The following ROBO1 variants were observed in gnomAD, a reference collection of about 807,000 sequenced individuals.
ROBO1 encodes the protein roundabout guidance receptor 1, also known as roundabout homolog 1.
ROBO1 carries 149 observed loss-of-function variants against 195.9 expected under a neutral mutation model. That is an observed-to-expected ratio of 0.76 (90% CI 0.67 to 0.87). The LOEUF is 0.87. ROBO1 is among the 40% of genes least tolerant of loss of function. The pLI is 0.00. For missense variants in ROBO1, 1,933 were observed against 2,068.3 expected (o/e 0.93, Z 1.27); for synonymous variants, 816 against 733.2 (o/e 1.11, Z -1.82).
At chr3:79,575,151 T>A (rs35985435) in intron 2 of ROBO1, among the ~76,000 whole-genome samples, 39 of 45,776 alleles carry the variant, frequency 8.5e-4, no homozygotes, top group East Asian at 9.4e-4. Flanking sequence ...AATATATAAA[T>A]ATATATATAA....
chr3:78,767,802 G>T (rs1247417896), intron 4 of ROBO1, among the ~76,000 whole-genome samples: 8 of 151,888 alleles, frequency 5.3e-5, no homozygotes, highest in African/African-American at 1.5e-4. Context: ...GAGGTTATTT[G>T]GATTTTCTTT....
chr3:78,706,281 A>G (rs1200981340), intron 8 of ROBO1, among the ~76,000 whole-genome samples: 2 of 152,060 alleles, frequency 1.3e-5, no homozygotes, highest in Non-Finnish European at 2.9e-5. Flanking sequence ...CCAACATAAC[A>G]AAAAGCCCAG....
chr3:79,597,541 A>G (rs1944217249), intron 1 of ROBO1, among the ~76,000 whole-genome samples: 1 of 152,022 alleles, frequency 6.6e-6, no homozygotes, highest in African/African-American at 2.4e-5. Context: ...TTTATGTTAC[A>G]TTTAGCTTAA....
chr3:78,753,231 T>G (rs1287425242), intron 4 of ROBO1, among the ~76,000 whole-genome samples: 3 of 152,148 alleles, frequency 2.0e-5, no homozygotes. Flanking sequence ...TTAAATACAG[T>G]TGTATGTTTC....
At chr3:78,730,600 G>A (rs2082264162) in intron 5 of ROBO1, among the ~76,000 whole-genome samples, 1 of 152,180 alleles carries the variant, frequency 6.6e-6, no homozygotes, top group South Asian at 2.1e-4. Context: ...AGAAGAGCTT[G>A]CAAGTGACAA....
intron 3 of ROBO1, among the ~76,000 whole-genome samples, chr3:78,961,943 T>G (rs1055623310): frequency 6.7e-6 from 1 of 149,476 alleles, no homozygotes; most frequent in Non-Finnish European, 1.5e-5. Flanking sequence ...TGTTTTTTGT[T>G]TTTTTTTTTT....
intron 4 of ROBO1, among the ~76,000 whole-genome samples, chr3:78,773,689 T>C (rs1039423796): frequency 6.6e-6 from 1 of 152,188 alleles, no homozygotes; most frequent in Non-Finnish European, 1.5e-5. Flanking sequence ...CTACACTCTG[T>C]CATGTGCTAG....
chr3:78,987,859 T>C (rs1237356098), intron 3 of ROBO1, among the ~76,000 whole-genome samples: 2 of 152,076 alleles, frequency 1.3e-5, no homozygotes, highest in Non-Finnish European at 2.9e-5. Context: ...TGTATCCAAA[T>C]ATCTCACAAA....
At chr3:78,878,583 C>CA (rs35108863) in intron 4 of ROBO1, among the ~76,000 whole-genome samples, 15,930 of 45,834 alleles carry the variant, frequency 0.35, 2,432 homozygotes, top group Non-Finnish European at 0.38. Context: ...AACCCCATCT[C>CA]AAAAAAAAAA....
chr3:79,061,447 A>G (rs1196009483), intron 3 of ROBO1, among the ~76,000 whole-genome samples: 2 of 152,178 alleles, frequency 1.3e-5, no homozygotes, highest in African/African-American at 2.4e-5. Flanking sequence ...TATAGATTCA[A>G]TGCTATCCCC....
At chr3:78,859,538 C>A (rs2034656454) in intron 4 of ROBO1, among the ~76,000 whole-genome samples, 1 of 151,846 alleles carries the variant, frequency 6.6e-6, no homozygotes, top group African/African-American at 2.4e-5. Context: ...AGAATAGGAC[C>A]AAGGGAATAT....
At chr3:78,842,173 C>CTA (rs1195263322) in intron 4 of ROBO1, among the ~76,000 whole-genome samples, 3 of 123,276 alleles carry the variant, frequency 2.4e-5, no homozygotes, top group Non-Finnish European at 3.3e-5. Context: ...CACACACGTA[C>CTA]TATATATATA....
intron 3 of ROBO1, among the ~76,000 whole-genome samples, chr3:79,096,632 T>A (rs2079572179): frequency 6.6e-6 from 1 of 151,494 alleles, no homozygotes; most frequent in South Asian, 2.1e-4. Context: ...TGTATGTGCA[T>A]GTATACACAT....
intron 3 of ROBO1, among the ~76,000 whole-genome samples, chr3:79,066,675 T>C (rs1240178022): frequency 1.3e-5 from 2 of 151,960 alleles, no homozygotes; most frequent in Non-Finnish European, 2.9e-5. Context: ...CTTACCATTC[T>C]TTCTCTCTTT....
rs190604098 is a variant in ROBO1, at chr3:79,155,547, T to C, written c.89-30008A>G. Among the ~76,000 whole-genome samples the C allele has an allele frequency of 2.1e-3, 322 of 151,914 alleles. 3 individuals are homozygous for C. Among genetic ancestry groups the C allele is most frequent in the South Asian group, 0.017 (82 of 4,828 alleles). ...GGGCTGATAGTTTGTCTTTCCCCAT[T>C]ACTAGTAATGCTAGAGGAAAACAAT... On this transcript the variant is annotated intron_variant, in intron 2 of 30. Transcript: ENST00000464233.
chr3:79,606,263 A>G (rs375011228), intron 1 of ROBO1, among the ~76,000 whole-genome samples: 1 of 152,058 alleles, frequency 6.6e-6, no homozygotes, highest in East Asian at 1.9e-4. Flanking sequence ...GACTATAACT[A>G]CAGTCTTTTC....
chr3:79,005,970 T>C (rs547217811), intron 3 of ROBO1, among the ~76,000 whole-genome samples: 79 of 152,346 alleles, frequency 5.2e-4, no homozygotes, highest in African/African-American at 1.8e-3. Flanking sequence ...CGATTTTCTT[T>C]ATTTTTATTT....
intron 3 of ROBO1, chr3:79,019,361 G>T: frequency 1.0e-6 from 1 of 985,788 alleles, no homozygotes. Context: ...GGATGCTGCT[G>T]CGGGTGGGAG....
intron 2 of ROBO1, among the ~76,000 whole-genome samples, chr3:79,568,501 T>G (rs936730318): frequency 2.7e-5 from 4 of 150,620 alleles, no homozygotes; most frequent in Non-Finnish European, 5.9e-5. Context: ...AAAAACAGAT[T>G]GATTGAATTT....
Sources: allele counts gnomAD v4.1 joint callset (sites outside exome capture counted in the v4.1 genomes callset), GRCh38; gene constraint gnomAD v4.1.1; transcripts MANE v1.5; gene names NCBI Gene and HGNC (gene_info 2026-07-23, HGNC 2026-07-21).